Variants in PSMB5 observed in about 807,000 individuals in gnomAD.
PSMB5 encodes proteasome 20S subunit beta 5.
PSMB5 carries 2 observed loss-of-function variants against 22.8 expected under a neutral mutation model. The ratio of observed to expected loss-of-function variants is 0.09; its 90% CI spans 0.04 to 0.28. The LOEUF is 0.28. Ranked by LOEUF, PSMB5 falls within the 10% of genes least tolerant of loss-of-function variation. The pLI is 1.00. For synonymous variants in PSMB5, 133 were observed against 135.3 expected (o/e 0.98, Z 0.12); for missense variants, 269 against 343.8 (o/e 0.78, Z 1.72).
At chr14:23,027,917 G>C in intron 2 of PSMB5, 1 of 917,040 alleles carries the variant, frequency 1.1e-6, no homozygotes, top group Middle Eastern at 2.3e-4. Flanking sequence ...GCCGAGGCAG[G>C]TGGGTCACCT....
intron 2 of PSMB5, among the ~76,000 whole-genome samples, chr14:23,033,054 C>T (rs1224635578): frequency 2.0e-5 from 3 of 151,488 alleles, no homozygotes; most frequent in Non-Finnish European, 4.4e-5. Flanking sequence ...TTACAGGCGC[C>T]CGCCACCACG....
chr14:23,034,909 C>G (rs2139925037), upstream of PSMB5: 2 of 1,605,262 alleles, frequency 1.2e-6, no homozygotes, highest in Non-Finnish European at 1.7e-6. Context: ...AGAACTAATT[C>G]TGAGAACGCC....
intron 1 of PSMB5, 117 bp from the exon 2 acceptor site, chr14:23,033,791 T>TGTGAAGTA: frequency 3.4e-6 from 3 of 887,200 alleles, no homozygotes; most frequent in Non-Finnish European, 5.1e-6. Flanking sequence ...CCTTTTATAC[T>TGTGAAGTA]TCACAGTATA....
At chr14:23,034,663 G>A (rs375016464) in intron 1 of PSMB5, 21 bp downstream of exon 1, 1 of 1,612,708 alleles carries the variant, frequency 6.2e-7, no homozygotes, top group Admixed American at 1.7e-5. Flanking sequence ...ACTCAGCCTG[G>A]CAAGGGGGCT....
At chr14:23,030,669 C>T (rs1287958540) in intron 2 of PSMB5, among the ~76,000 whole-genome samples, 4 of 152,106 alleles carry the variant, frequency 2.6e-5, no homozygotes, top group Admixed American at 2.6e-4. Flanking sequence ...TGGTGGCTCA[C>T]GCCACCCAGC....
rs142286958 is a variant in PSMB5, at chr14:23,026,518, C to T, written c.506-143G>A. The T allele has an allele frequency of 1.5e-3, 1,757 of 1,161,604 alleles. 18 individuals are homozygous for T. The highest frequency in any genetic ancestry group is 0.014 in the African/African-American group (929 of 64,160). 72.0% of individuals were successfully genotyped at this position (1,161,604 alleles called of 1,614,324 possible). Reference sequence around the variant, plus strand: ...AAGCTAGAGTGCAATGGCGCAATCTCGGCTCACCACAACCTCCGCCTCCTG... The same window carrying T: ...AAGCTAGAGTGCAATGGCGCAATCTTGGCTCACCACAACCTCCGCCTCCTG... On this transcript the variant is annotated intron_variant, in intron 2 of 2. Coordinates refer to ENST00000361611, the MANE Select transcript of PSMB5 (RefSeq NM_002797.5).
At chr14:23,035,204 G>A, upstream of PSMB5, 1 of 310,838 alleles carries the variant, frequency 3.2e-6, no homozygotes, top group Non-Finnish European at 6.0e-6. Flanking sequence ...TTGCGTAAGG[G>A]AAGTGAGGTC....
chr14:23,031,596 C>T (rs774933883), intron 2 of PSMB5, among the ~76,000 whole-genome samples: 19 of 152,180 alleles, frequency 1.2e-4, no homozygotes, highest in Non-Finnish European at 5.9e-5. Flanking sequence ...TAGAAGGTGA[C>T]TAGCTATACT....
chr14:23,034,375 T>C (rs940192887), intron 1 of PSMB5: 4 of 329,522 alleles, frequency 1.2e-5, no homozygotes, highest in African/African-American at 4.3e-5. Context: ...CCAAGATTCA[T>C]TGTTGTTGCG....
At chr14:23,027,397 A>T (rs1270660990) in intron 2 of PSMB5, among the ~76,000 whole-genome samples, 3 of 143,508 alleles carry the variant, frequency 2.1e-5, no homozygotes, top group African/African-American at 7.7e-5. Context: ...AAAAAAAATA[A>T]TAATAATAAT....
chr14:23,029,835 G>A (rs1374104171), intron 2 of PSMB5, among the ~76,000 whole-genome samples: 1 of 151,188 alleles, frequency 6.6e-6, no homozygotes, highest in East Asian at 2.0e-4. Context: ...AGTCTGGAGT[G>A]CAGTGGCACG....
At chr14:23,028,361 TAG>T (rs2046930921) in intron 2 of PSMB5, among the ~76,000 whole-genome samples, 2 of 152,288 alleles carry the variant, frequency 1.3e-5, no homozygotes, top group African/African-American at 4.8e-5. Flanking sequence ...TAATAAAGCC[TAG>T]AGTTTGTAAT....
At chr14:23,032,851 C>T (rs1408411816) in intron 2 of PSMB5, among the ~76,000 whole-genome samples, 1 of 151,200 alleles carries the variant, frequency 6.6e-6, no homozygotes, top group Non-Finnish European at 1.5e-5. Flanking sequence ...ACTGTCTCAG[C>T]CTCCCAAAGT....
upstream of PSMB5, chr14:23,035,054 C>T: frequency 3.8e-6 from 5 of 1,306,028 alleles, no homozygotes; most frequent in Non-Finnish European, 5.1e-6. Context: ...ACCATTTTCA[C>T]TGAAGGGGGT....
chr14:23,034,604 C>A (rs1393511360), intron 1 of PSMB5, 80 bp downstream of exon 1: 5 of 1,536,260 alleles, frequency 3.3e-6, no homozygotes, highest in African/African-American at 1.4e-5. Flanking sequence ...CCAAGGCCAC[C>A]GCAAACTCCG....
At chr14:23,030,343 G>A (rs935340570) in intron 2 of PSMB5, among the ~76,000 whole-genome samples, 1 of 151,912 alleles carries the variant, frequency 6.6e-6, no homozygotes, top group Non-Finnish European at 1.5e-5. Flanking sequence ...CAAAAAATTA[G>A]CCGGGCGTGG....
At chr14:23,030,017 G>A (rs1371758261) in intron 2 of PSMB5, among the ~76,000 whole-genome samples, 5 of 151,722 alleles carry the variant, frequency 3.3e-5, no homozygotes, top group South Asian at 4.2e-4. Flanking sequence ...TCCTGGCCTC[G>A]TGATCCGCCC....
At chr14:23,033,233 AAAG>A (rs1286537126) in intron 2 of PSMB5, 132 bp downstream of exon 2, 1 of 964,722 alleles carries the variant, frequency 1.0e-6, no homozygotes, top group African/African-American at 1.6e-5. Context: ...GGAAAAAAAA[AAAG>A]AGAGAAGGAA....
chr14:23,031,532 G>A (rs2046952510), intron 2 of PSMB5, among the ~76,000 whole-genome samples: 2 of 152,170 alleles, frequency 1.3e-5, no homozygotes, highest in Non-Finnish European at 1.5e-5. Context: ...AATGAATGAA[G>A]CAAAATCAAA....
Sources: allele counts gnomAD v4.1 joint callset (sites outside exome capture counted in the v4.1 genomes callset), GRCh38; gene constraint gnomAD v4.1.1; transcripts MANE v1.5; gene names NCBI Gene and HGNC (gene_info 2026-07-23, HGNC 2026-07-21).